Variants in TEX2 observed in about 807,000 individuals in gnomAD.
The protein encoded by TEX2 is testis expressed 2.
A neutral mutation model predicts 106.9 loss-of-function variants in TEX2; 53 were observed. The observed-to-expected ratio is 0.50, with a 90% CI of 0.40 to 0.62. The LOEUF is 0.62. Ranked by LOEUF, TEX2 falls within the 20% of genes least tolerant of loss-of-function variation. TEX2 has a pLI of 0.00. For missense variants in TEX2, 1,207 were observed against 1,379.0 expected (o/e 0.88, Z 1.98); for synonymous variants, 523 against 534.8 (o/e 0.98, Z 0.30).
chr17:64,200,483 G>T (rs1378113894), intron 2 of TEX2, among the ~76,000 whole-genome samples: 1 of 152,190 alleles, frequency 6.6e-6, no homozygotes, highest in Non-Finnish European at 1.5e-5. Flanking sequence ...AGCCACTGTG[G>T]AGTTCTTGCT....
At position 64,148,840 on chromosome 17, in the gene TEX2, G is replaced by T; in HGVS notation, c.*129C>A. ...ACAGTGGAATGGGCACTGGCAGGCA[G>T]AGGGCAGAAGCAGTCCTTTAAGAAA... On this transcript the variant is annotated 3_prime_UTR_variant, in exon 12 of 12. Coordinates refer to ENST00000584379, the MANE Select transcript of TEX2 (RefSeq NM_001288732.2). 8.5e-7 allele frequency: 1 copy of T among 1,173,510 alleles called. No homozygotes were observed. 72.7% of individuals were successfully genotyped at this position (1,173,510 alleles called of 1,614,324 possible).
chr17:64,220,365 T>C (rs1436915118), intron 1 of TEX2, among the ~76,000 whole-genome samples: 3 of 152,158 alleles, frequency 2.0e-5, no homozygotes, highest in African/African-American at 7.2e-5. Context: ...TGGAATCTCA[T>C]TAAACTAAAG....
At chr17:64,212,491 G>A in intron 2 of TEX2, 83 bp downstream of exon 2, 5 of 1,338,368 alleles carry the variant, frequency 3.7e-6, no homozygotes, top group Non-Finnish European at 5.2e-6. Flanking sequence ...ATCTTTAACA[G>A]CTAACCAAAA....
chr17:64,229,235 T>C (rs997587219), intron 1 of TEX2, among the ~76,000 whole-genome samples: 19 of 152,228 alleles, frequency 1.2e-4, no homozygotes, highest in African/African-American at 4.6e-4. Context: ...TTGTATAAAA[T>C]GTCCACCTTC....
intron 1 of TEX2, among the ~76,000 whole-genome samples, chr17:64,219,440 A>G (rs1342767009): frequency 2.0e-5 from 3 of 151,960 alleles, no homozygotes; most frequent in Non-Finnish European, 4.4e-5. Context: ...TGAGAGAAGG[A>G]GGTTTCAGTA....
At chr17:64,208,186 C>T (rs2032894378) in intron 2 of TEX2, among the ~76,000 whole-genome samples, 1 of 152,158 alleles carries the variant, frequency 6.6e-6, no homozygotes, top group African/African-American at 2.4e-5. Flanking sequence ...TTGGCTTGTC[C>T]ACTTTCAGAA....
rs998371005 is a variant in TEX2, at chr17:64,254,712, T to G, written c.-26+8456A>C. On this transcript the variant is annotated intron_variant, in intron 1 of 11. Coordinates refer to ENST00000584379, the MANE Select transcript of TEX2 (RefSeq NM_001288732.2). Reference sequence around the variant, plus strand: ...TGAATACTATAAATTGAACTTAAAGTAACATATGCCACTAAAATACTGCTT... The same window carrying G: ...TGAATACTATAAATTGAACTTAAAGGAACATATGCCACTAAAATACTGCTT... Among the ~76,000 whole-genome samples, 4 of 152,246 alleles carry G rather than the reference T, an allele frequency of 2.6e-5. No individual in the cohort carries two copies. In the East Asian group the frequency reaches 7.7e-4, roughly 29 times the overall value.
chr17:64,262,268 G>A (rs1357082621), intron 1 of TEX2, among the ~76,000 whole-genome samples: 2 of 152,232 alleles, frequency 1.3e-5, no homozygotes, highest in Non-Finnish European at 2.9e-5. Context: ...CAGTGACAAA[G>A]TACTTCATAG....
At chr17:64,182,040 C>A (rs951459734) in intron 5 of TEX2, among the ~76,000 whole-genome samples, 6 of 152,098 alleles carry the variant, frequency 3.9e-5, no homozygotes, top group Admixed American at 1.3e-4. Flanking sequence ...ATGTTCAGAG[C>A]AGCATCATTC....
intron 6 of TEX2, among the ~76,000 whole-genome samples, chr17:64,173,008 G>T (rs540491917): frequency 1.3e-5 from 2 of 152,134 alleles, no homozygotes; most frequent in Non-Finnish European, 2.9e-5. Context: ...TAATTTTAAT[G>T]TAAGATGTAA....
At chr17:64,161,676 G>T (rs934536023) in intron 7 of TEX2, among the ~76,000 whole-genome samples, 1 of 151,918 alleles carries the variant, frequency 6.6e-6, no homozygotes, top group African/African-American at 2.4e-5. Context: ...TGCAATGGCC[G>T]CTGTTCAGTG....
In TEX2 at chr17:64,252,700, C is replaced by T. The variant is rs150535371; in HGVS notation, c.-26+10468G>A. On this transcript the variant is annotated intron_variant, in intron 1 of 11. Transcript: ENST00000584379. ...CTTGCATTCTTTCATTCATTCACCCCGAGAATATTTAAGCAGCATGTCTAA... is the reference window on the plus strand; with the variant it reads ...CTTGCATTCTTTCATTCATTCACCCTGAGAATATTTAAGCAGCATGTCTAA... Among the ~76,000 whole-genome samples, 312 of 152,192 alleles carry T rather than the reference C, an allele frequency of 2.1e-3. 3 individuals carry two copies. Among genetic ancestry groups the T allele is most frequent in the African/African-American group, 7.2e-3 (298 of 41,512 alleles).
intron 4 of TEX2, among the ~76,000 whole-genome samples, chr17:64,189,091 C>T (rs890293583): frequency 1.1e-4 from 15 of 140,162 alleles, no homozygotes; most frequent in African/African-American, 3.7e-4. Context: ...TGTTCATCCA[C>T]AAGCTCACAG....
chr17:64,169,019 T>C (rs1361631328), intron 7 of TEX2, among the ~76,000 whole-genome samples: 2 of 151,526 alleles, frequency 1.3e-5, no homozygotes, highest in African/African-American at 2.4e-5. Flanking sequence ...CTTCATCTTA[T>C]TTCTAAAGCT....
chr17:64,175,818 C>T (rs2031595110), intron 6 of TEX2, among the ~76,000 whole-genome samples: 1 of 152,218 alleles, frequency 6.6e-6, no homozygotes. Context: ...TTTCTTTTTG[C>T]ACACTGCCAA....
At chr17:64,218,025 C>T (rs2143147668) in intron 1 of TEX2, among the ~76,000 whole-genome samples, 1 of 152,276 alleles carries the variant, frequency 6.6e-6, no homozygotes, top group Non-Finnish European at 1.5e-5. Flanking sequence ...TCTGGGAAGG[C>T]AGGCTCCATT....
intron 3 of TEX2, among the ~76,000 whole-genome samples, chr17:64,194,444 G>A (rs915477435): frequency 2.0e-5 from 3 of 152,196 alleles, no homozygotes; most frequent in Non-Finnish European, 4.4e-5. Context: ...AAAAATAGAA[G>A]TATATAATAC....
intron 2 of TEX2, among the ~76,000 whole-genome samples, chr17:64,204,574 G>A (rs2032770662): frequency 6.6e-6 from 1 of 152,182 alleles, no homozygotes; most frequent in Non-Finnish European, 1.5e-5. Context: ...CTTGATTAGT[G>A]TCTTCTGCAA....
chr17:64,245,768 C>T (rs1206728611), intron 1 of TEX2, among the ~76,000 whole-genome samples: 1 of 137,502 alleles, frequency 7.3e-6, no homozygotes, highest in Non-Finnish European at 1.6e-5. Context: ...GGGATACGAA[C>T]CAACTGGACA....
Sources: gnomAD v4.1 joint callset for allele counts (sites outside exome capture counted in the v4.1 genomes callset) on GRCh38, gnomAD v4.1.1 for gene constraint, MANE v1.5 for transcripts, NCBI Gene and HGNC (gene_info 2026-07-23, HGNC 2026-07-21) for gene names.